COL26A1: variants seen among roughly 807,000 people sequenced by gnomAD.
The protein encoded by COL26A1 is collagen type XXVI alpha 1 chain.
A neutral mutation model predicts 59.3 loss-of-function variants in COL26A1; 41 were observed. The observed-to-expected ratio is 0.69, with a 90% CI of 0.54 to 0.90. The LOEUF is 0.90. Ranked by LOEUF, COL26A1 falls within the 40% of genes least tolerant of loss-of-function variation. COL26A1 has a pLI of 0.00. For missense variants in COL26A1, 612 were observed against 602.3 expected (o/e 1.02, Z -0.17); for synonymous variants, 266 against 256.0 (o/e 1.04, Z -0.37).
chr7:101,434,351 TC>T (rs1792863602), intron 2 of COL26A1, among the ~76,000 whole-genome samples: 1 of 151,824 alleles, frequency 6.6e-6, no homozygotes, highest in East Asian at 1.9e-4. Context: ...ACTCCTGGTC[TC>T]CAGTGGTCCT....
chr7:101,476,511 G>A (rs115315910), intron 3 of COL26A1, among the ~76,000 whole-genome samples: 3,055 of 152,020 alleles, frequency 0.02, 115 homozygotes, highest in African/African-American at 0.069. Flanking sequence ...GGAAAAAACC[G>A]GGTTGGTTAA....
intron 2 of COL26A1, among the ~76,000 whole-genome samples, chr7:101,428,317 C>A (rs1288415820): frequency 6.8e-6 from 1 of 146,472 alleles, no homozygotes; most frequent in Non-Finnish European, 1.5e-5. Context: ...ATGATTGCGC[C>A]ACTGCACTCC....
At chr7:101,363,227 G>C in intron 1 of COL26A1, 37 bp downstream of exon 1, 1 of 1,055,968 alleles carries the variant, frequency 9.5e-7, no homozygotes, top group African/African-American at 1.9e-5. Flanking sequence ...GGGGGTGGGG[G>C]GAGGGAGCGG....
chr7:101,519,685 C>G (rs893527102), intron 3 of COL26A1, among the ~76,000 whole-genome samples: 3 of 152,142 alleles, frequency 2.0e-5, no homozygotes, highest in African/African-American at 7.2e-5. Context: ...TGTGCCTCAG[C>G]CACCCATAGA....
chr7:101,391,489 A>G (rs1336250026), intron 1 of COL26A1, among the ~76,000 whole-genome samples: 1 of 152,140 alleles, frequency 6.6e-6, no homozygotes, highest in African/African-American at 2.4e-5. Context: ...CATGTTTCTC[A>G]TTTAGTCCTT....
At chr7:101,532,669 C>T (rs185630566) in intron 3 of COL26A1, among the ~76,000 whole-genome samples, 2 of 152,280 alleles carry the variant, frequency 1.3e-5, no homozygotes, top group Admixed American at 1.3e-4. Context: ...TAGCCCAACT[C>T]CTTCCCCAGA....
At chr7:101,491,598 G>A (rs1007336800) in intron 3 of COL26A1, among the ~76,000 whole-genome samples, 1 of 152,166 alleles carries the variant, frequency 6.6e-6, no homozygotes, top group Non-Finnish European at 1.5e-5. Flanking sequence ...TGCTAAACAA[G>A]GGGTGGATTA....
chr7:101,525,252 G>T (rs1489682023), intron 3 of COL26A1, among the ~76,000 whole-genome samples: 1 of 133,134 alleles, frequency 7.5e-6, no homozygotes, highest in Non-Finnish European at 1.5e-5. Context: ...CGTGATCTCA[G>T]CTCTCTACAA....
In COL26A1 at chr7:101,538,363, C is replaced by G. The variant is rs141262406; in HGVS notation, c.448-1530C>G. ...AAGCTCAGCCGGGGTTGAGACAGAA[C>G]TGTTGGGAGGATAAACTGTGGTTTG... is the stretch of plus-strand genomic sequence containing the variant. On this transcript the variant is annotated intron_variant, in intron 4 of 12. Transcript: ENST00000313669. 2.6e-4 allele frequency among the ~76,000 whole-genome samples: 39 copies of G among 152,354 alleles called. No homozygotes were observed. In the East Asian group the frequency reaches 6.9e-3, roughly 27 times the overall value.
rs1795677468 is a variant in COL26A1 at position 101,544,105 on chromosome 7, A to C, written c.703+9A>C. On this transcript the variant is annotated intron_variant, in intron 6 of 12. Transcript: ENST00000313669. ...TCCAGCGGGGCCGCCTGGTAAGAAA[A>C]CCCCCCACATATGTGATGTTGTCAA... 3 of 1,586,126 alleles carry C rather than the reference A, an allele frequency of 1.9e-6. No homozygotes were observed. Among genetic ancestry groups the C allele is most frequent in the Non-Finnish European group, 1.7e-6 (2 of 1,166,008 alleles).
At chr7:101,550,963 C>T in intron 9 of COL26A1, 145 bp from the exon 10 acceptor site, 1 of 877,760 alleles carries the variant, frequency 1.1e-6, no homozygotes, top group Non-Finnish European at 1.8e-6. Flanking sequence ...TTGAGTCTGC[C>T]CTTCCCGTGC....
chr7:101,514,104 G>T (rs1794980636), intron 3 of COL26A1, among the ~76,000 whole-genome samples: 1 of 152,142 alleles, frequency 6.6e-6, no homozygotes, highest in Admixed American at 6.5e-5. Flanking sequence ...GGGAGGCCGG[G>T]GTGGGTGGAT....
intron 5 of COL26A1, among the ~76,000 whole-genome samples, chr7:101,542,030 G>A (rs540508312): frequency 1.3e-5 from 2 of 151,892 alleles, no homozygotes; most frequent in East Asian, 1.9e-4. Context: ...GCAGTGTCGT[G>A]ATCTCGGCTC....
intron 3 of COL26A1, among the ~76,000 whole-genome samples, chr7:101,509,100 A>G (rs189562012): frequency 2.4e-3 from 371 of 152,248 alleles, no homozygotes; most frequent in South Asian, 0.01. Flanking sequence ...GATGCGTCGC[A>G]TAGCAAAAGA....
At chr7:101,470,998 A>T (rs969037309) in intron 3 of COL26A1, among the ~76,000 whole-genome samples, 3 of 152,136 alleles carry the variant, frequency 2.0e-5, no homozygotes, top group Non-Finnish European at 4.4e-5. Context: ...CACTCAGGAA[A>T]TTCCAAGGGT....
At chr7:101,362,764 GCCT>G (rs995786963), upstream of COL26A1, 69 of 492,820 alleles carry the variant, frequency 1.4e-4, no homozygotes, top group Admixed American at 7.8e-4. Context: ...CGCCACTGCC[GCCT>G]CCTCGGCCCC....
At chr7:101,490,177 C>T (rs966605565) in intron 3 of COL26A1, among the ~76,000 whole-genome samples, 1 of 151,730 alleles carries the variant, frequency 6.6e-6, no homozygotes, top group Middle Eastern at 3.4e-3. Flanking sequence ...ACCTCGTGAT[C>T]TGCCCGCCTC....
intron 3 of COL26A1, among the ~76,000 whole-genome samples, chr7:101,480,726 C>T (rs1018355327): frequency 3.3e-5 from 5 of 152,162 alleles, no homozygotes; most frequent in Non-Finnish European, 5.9e-5. Flanking sequence ...TGGTCTCGAA[C>T]TCTTGGGCTC....
chr7:101,425,172 G>A (rs1792615392), intron 2 of COL26A1, among the ~76,000 whole-genome samples: 1 of 148,070 alleles, frequency 6.8e-6, no homozygotes, highest in South Asian at 2.1e-4. Context: ...GGATCACGAG[G>A]TCAGCAGTTC....
Sources: gnomAD v4.1 joint callset for allele counts (sites outside exome capture counted in the v4.1 genomes callset) on GRCh38, gnomAD v4.1.1 for gene constraint, MANE v1.5 for transcripts, NCBI Gene and HGNC (gene_info 2026-07-23, HGNC 2026-07-21) for gene names.